ASTN2: variants seen among roughly 807,000 people sequenced by gnomAD.
ASTN2 encodes the protein astrotactin-2.
A neutral mutation model predicts 139.8 loss-of-function variants in ASTN2; 54 were observed. The ratio of observed to expected loss-of-function variants is 0.39; its 90% confidence interval spans 0.31 to 0.48. The LOEUF (loss-of-function observed/expected upper bound fraction) is 0.48, where lower values mean the gene tolerates loss of function less well. ASTN2 is among the 20% of genes least tolerant of loss of function. ASTN2 has a pLI of 0.95. For synonymous variants in ASTN2, 756 were observed against 719.5 expected (o/e 1.05, Z -0.81); for missense variants, 1,565 against 1,725.1 (o/e 0.91, Z 1.64).
chr9:116,668,567 T>C (rs1218856132), intron 16 of ASTN2, among the ~76,000 whole-genome samples: 1 of 152,248 alleles, frequency 6.6e-6, no homozygotes, highest in African/African-American at 2.4e-5. Context: ...TTTCTTTTTA[T>C]TGCTCAATAT....
At position 116,909,302 on chromosome 9, in the gene ASTN2, G is replaced by C. The variant is rs145877882; in HGVS notation, c.1890-45569C>G. On this transcript the variant is annotated intron_variant, in intron 10 of 22. Coordinates refer to ENST00000313400, the MANE Select transcript of ASTN2 (RefSeq NM_001365068.1). ...TGATGATGGCTTGGACTAGGAGAAT[G>C]AATGAGTGTGTTGAGACATACTTGA... 4.7e-3 allele frequency among the ~76,000 whole-genome samples: 711 copies of C among 152,332 alleles called. 7 individuals carry two copies. Among genetic ancestry groups the C allele is most frequent in the African/African-American group, 0.016 (678 of 41,572 alleles).
intron 5 of ASTN2, among the ~76,000 whole-genome samples, chr9:117,040,363 C>T (rs1158615948): frequency 6.6e-6 from 1 of 152,224 alleles, no homozygotes; most frequent in Admixed American, 6.5e-5. Context: ...GTGAAATAAG[C>T]ATGGGCTTTG....
intron 10 of ASTN2, among the ~76,000 whole-genome samples, chr9:116,892,079 G>T (rs16934028): frequency 6.6e-6 from 1 of 152,144 alleles, no homozygotes; most frequent in South Asian, 2.1e-4. Flanking sequence ...CATAAACTTT[G>T]CTTAGAAATA....
chr9:116,427,708 G>A (rs1847353377), intron 22 of ASTN2, among the ~76,000 whole-genome samples: 1 of 152,238 alleles, frequency 6.6e-6, no homozygotes, highest in South Asian at 2.1e-4. Context: ...CACAATTTAT[G>A]AGGTGCCTTT....
rs114682297 is a variant in ASTN2 at position 116,673,331 on chromosome 9, C to T, written c.2807-21538G>A. Among the ~76,000 whole-genome samples, 1,233 of 152,226 alleles carry T rather than the reference C, an allele frequency of 8.1e-3. 20 individuals are homozygous for T. Among genetic ancestry groups the T allele is most frequent in the African/African-American group, 0.029 (1,192 of 41,532 alleles). On this transcript the variant is annotated intron_variant, in intron 16 of 22. Transcript: ENST00000313400. The stretch of plus-strand genomic sequence containing the variant: ...CCGGTTACATATCTCATCTTGCTCC[C>T]AACAATCCTGTGTTAACTATTGTTA...
intron 19 of ASTN2, among the ~76,000 whole-genome samples, chr9:116,548,227 C>A (rs1371284641): frequency 3.3e-5 from 5 of 152,152 alleles, no homozygotes; most frequent in Admixed American, 6.5e-5. Context: ...TCCTGCCTGG[C>A]TCCATCAGAG....
At chr9:117,102,478 T>C (rs1015202974) in intron 4 of ASTN2, among the ~76,000 whole-genome samples, 2 of 152,136 alleles carry the variant, frequency 1.3e-5, no homozygotes, top group Middle Eastern at 3.2e-3. Context: ...CTGTACAACC[T>C]TGTGAATGTA....
At chr9:117,315,646 T>C (rs1353470472) in intron 1 of ASTN2, among the ~76,000 whole-genome samples, 3 of 152,226 alleles carry the variant, frequency 2.0e-5, no homozygotes, top group Non-Finnish European at 4.4e-5. Context: ...TTCAAAATGT[T>C]GTGCAATTGG....
At chr9:116,828,520 C>T (rs966155140) in intron 11 of ASTN2, among the ~76,000 whole-genome samples, 6 of 151,992 alleles carry the variant, frequency 3.9e-5, no homozygotes, top group Admixed American at 2.6e-4. Flanking sequence ...ATTCAACATC[C>T]TTTGATGATA....
chr9:116,660,982 G>T (rs1858523990), intron 16 of ASTN2, among the ~76,000 whole-genome samples: 1 of 152,166 alleles, frequency 6.6e-6, no homozygotes, highest in South Asian at 2.1e-4. Flanking sequence ...ACAAATGAGA[G>T]AACTGAGGCA....
At chr9:116,703,307 C>T (rs948458596) in intron 16 of ASTN2, among the ~76,000 whole-genome samples, 8 of 149,954 alleles carry the variant, frequency 5.3e-5, no homozygotes, top group Admixed American at 2.0e-4. Flanking sequence ...ATGTCCTTCG[C>T]CCACTTTTTG....
Position 116,620,294 on chromosome 9 carries a change from G to A in ASTN2, c.3206+16C>T. 6.2e-7 allele frequency: 1 copy of A among 1,614,020 alleles called. No individual in the cohort carries two copies. Among genetic ancestry groups the A allele is most frequent in the Non-Finnish European group, 8.5e-7 (1 of 1,180,008 alleles). ...GAAAAGGGATGGCCAAAGGAAAAGG[G>A]GCCATACATACGTACACCGGCTGCA... On this transcript the variant is annotated intron_variant, in intron 18 of 22. Coordinates refer to ENST00000313400, the MANE Select transcript of ASTN2 (RefSeq NM_001365068.1).
intron 3 of ASTN2, 128 bp from the exon 4 acceptor site, chr9:117,141,606 C>T (rs1255382884): frequency 1.4e-6 from 1 of 724,846 alleles, no homozygotes; most frequent in African/African-American, 1.9e-5. Context: ...ACCCTAATTC[C>T]TTGAAACTCC....
intron 10 of ASTN2, among the ~76,000 whole-genome samples, chr9:116,883,007 T>C (rs1833490610): frequency 6.6e-6 from 1 of 152,152 alleles, no homozygotes; most frequent in South Asian, 2.1e-4. Context: ...CTCGAAGTGT[T>C]CGTACACGTT....
chr9:117,309,682 C>T (rs1011621434), intron 1 of ASTN2, among the ~76,000 whole-genome samples: 4 of 152,086 alleles, frequency 2.6e-5, no homozygotes, highest in Admixed American at 2.6e-4. Context: ...GATTTGGCTA[C>T]AAAAAAGTGG....
At chr9:116,915,604 A>G (rs1028032738) in intron 10 of ASTN2, among the ~76,000 whole-genome samples, 1 of 152,148 alleles carries the variant, frequency 6.6e-6, no homozygotes, top group Admixed American at 6.5e-5. Flanking sequence ...AATCACGTCA[A>G]TCTTGGCTAC....
chr9:116,680,988 A>G (rs925606534), intron 16 of ASTN2, among the ~76,000 whole-genome samples: 1 of 152,010 alleles, frequency 6.6e-6, no homozygotes, highest in Non-Finnish European at 1.5e-5. Context: ...CTCTCTCACC[A>G]CTCCTATTCA....
At chr9:116,894,101 T>C (rs754008033) in intron 10 of ASTN2, among the ~76,000 whole-genome samples, 1 of 152,164 alleles carries the variant, frequency 6.6e-6, no homozygotes, top group Non-Finnish European at 1.5e-5. Flanking sequence ...TGTCCTGCCC[T>C]GCACAAGCAC....
At chr9:116,924,034 G>A (rs934683563) in intron 10 of ASTN2, among the ~76,000 whole-genome samples, 9 of 152,138 alleles carry the variant, frequency 5.9e-5, no homozygotes, top group African/African-American at 2.2e-4. Flanking sequence ...AGGGTTCTTG[G>A]ATCTTGCACA....
Sources: allele counts gnomAD v4.1 joint callset (sites outside exome capture counted in the v4.1 genomes callset), GRCh38; gene constraint gnomAD v4.1.1; transcripts MANE v1.5; gene names NCBI Gene and HGNC (gene_info 2026-07-23, HGNC 2026-07-21).